Variants in PFKL observed in about 807,000 individuals in gnomAD.
PFKL encodes ATP-dependent 6-phosphofructokinase, liver type.
In PFKL, 74 loss-of-function variants were observed where a neutral mutation model predicts 92.1. The observed-to-expected ratio is 0.80, with a 90% CI of 0.67 to 0.97. The LOEUF is 0.97. Ranked by LOEUF, PFKL falls within the 50% of genes least tolerant of loss-of-function variation. The pLI, the probability that PFKL is intolerant of heterozygous loss-of-function variation, is 0.00. For missense variants in PFKL, 1,028 were observed against 1,116.6 expected (o/e 0.92, Z 1.13); for synonymous variants, 494 against 456.4 (o/e 1.08, Z -1.05).
At chr21:44,325,405 A>T (rs868666575) in intron 19 of PFKL, 141 bp downstream of exon 19, 7 of 637,608 alleles carry the variant, frequency 1.1e-5, no homozygotes, top group Middle Eastern at 4.1e-4. Context: ...TTCCCCAGTG[A>T]GGGGACCGAG....
Position 44,318,549 on chromosome 21 carries a change from C to G in PFKL, c.1016C>G (p.Ser339Trp), listed in dbSNP as rs1419851208. The G allele has an allele frequency of 6.3e-7, 1 of 1,576,006 alleles. No individual in the cohort carries two copies. Among genetic ancestry groups the G allele is most frequent in the African/African-American group, 1.4e-5 (1 of 73,582 alleles). The change falls in exon 10 of 22, where the codon TCG becomes TGG. Residue 339 changes from serine to tryptophan, a missense_variant. Physicochemically the swap from Ser to Trp is radical, Grantham distance 177. Coordinates refer to ENST00000349048, the MANE Select transcript of PFKL (RefSeq NM_002626.6). ...PDTPACVVTLSGNQSVRLPLM... is the reference protein window; with the variant it reads ...PDTPACVVTLWGNQSVRLPLM... ...ACGCCGGCCTGCGTGGTCACCCTCTCGGGGAACCAGTCAGTGCGGCTGCCC... is the reference window on the plus strand; with the variant it reads ...ACGCCGGCCTGCGTGGTCACCCTCTGGGGGAACCAGTCAGTGCGGCTGCCC...
chr21:44,326,580 A>C lies in PFKL; in HGVS notation c.2196-135A>C, dbSNP rs369453442. The C allele has an allele frequency of 6.0e-6, 7 of 1,165,496 alleles. No individual in the cohort carries two copies. The African/African-American group carries it at 1.2e-4, about 19-fold the overall frequency. 72.2% of individuals were successfully genotyped at this position (1,165,496 alleles called of 1,614,324 possible). Reference sequence around the variant, plus strand: ...GGGACCCCAGACCTGTCCCAGCTCCACGGATACCGAGATGTTCAGACAGAG... The same window carrying C: ...GGGACCCCAGACCTGTCCCAGCTCCCCGGATACCGAGATGTTCAGACAGAG... On this transcript the variant is annotated intron_variant, in intron 21 of 21. Coordinates refer to ENST00000349048, the MANE Select transcript of PFKL (RefSeq NM_002626.6).
chr21:44,307,321 C>T (rs556074959), intron 2 of PFKL: 41 of 985,132 alleles, frequency 4.2e-5, no homozygotes, highest in African/African-American at 2.3e-4. Context: ...GCTCGCCCTC[C>T]GTCCTGGGTA....
At chr21:44,304,596 C>G (rs998302258) in intron 1 of PFKL, 3 of 993,820 alleles carry the variant, frequency 3.0e-6, no homozygotes, top group African/African-American at 3.8e-5. Context: ...GCGCTGCACT[C>G]ACAGCACCAC....
rs746872053 is a variant in PFKL, at chr21:44,322,139, G to T, written c.1345G>T (p.Glu449Ter). ...CTGCATCTCCTCCTGGCAGGTGCAA[G>T]AAGTAGGCTGGCACGACGTGGCCGG... is the stretch of plus-strand genomic sequence containing the variant. ...FEGLAKGQVQEVGWHDVAGWL... is the reference protein window; with the variant it reads ...FEGLAKGQVQ The change falls in exon 14 of 22, where the codon GAA becomes TAA. Residue 449 changes from glutamate (E) to a stop codon, truncating the protein, a stop_gained. Coordinates refer to ENST00000349048, the MANE Select transcript of PFKL (RefSeq NM_002626.6). LOFTEE classifies it high-confidence loss of function. 4 of 1,606,090 alleles carry T rather than the reference G, an allele frequency of 2.5e-6. No homozygotes were observed. Among genetic ancestry groups the T allele is most frequent in the Non-Finnish European group, 8.5e-7 (1 of 1,177,944 alleles).
rs111384953 is a variant in PFKL at position 44,312,425 on chromosome 21, G to A, written c.427+131G>A. 2.5e-3 allele frequency: 2,024 copies of A among 823,578 alleles called. 25 individuals are homozygous for A. The African/African-American group carries it at 0.031, about 13-fold the overall frequency. The allele number at this position is 823,578 out of a possible 1,614,324, so 51.0% of individuals were successfully genotyped here. On this transcript the variant is annotated intron_variant, in intron 4 of 21. Transcript: ENST00000349048. The stretch of plus-strand genomic sequence containing the variant: ...GAGGCAGAGGAGGGGCTGTCTGGCC[G>A]TTGGCCGGGGAGGAGTAGTGTCTGC...
At chr21:44,326,312 C>CACA in intron 21 of PFKL, 48 bp downstream of exon 21, 4 of 1,379,004 alleles carry the variant, frequency 2.9e-6, no homozygotes, top group Non-Finnish European at 4.1e-6. Context: ...TGAGGGGTGG[C>CACA]CCAGACCTTC....
chr21:44,306,601 C>A, intron 1 of PFKL, 80 bp from the exon 2 acceptor site: 1 of 1,294,914 alleles, frequency 7.7e-7, no homozygotes, highest in Non-Finnish European at 1.1e-6. Context: ...CTCCCCTACC[C>A]CCTGTCCTCT....
intron 12 of PFKL, 102 bp downstream of exon 12, chr21:44,320,249 C>T: frequency 1.0e-6 from 1 of 998,176 alleles, no homozygotes; most frequent in Non-Finnish European, 1.5e-6. Context: ...CCCACCTTCC[C>T]TCCTGCTGGG....
chr21:44,326,578 C>T, intron 21 of PFKL, 137 bp from the exon 22 acceptor site: 1 of 1,188,468 alleles, frequency 8.4e-7, no homozygotes, highest in Non-Finnish European at 1.2e-6. Flanking sequence ...TGTCCCAGCT[C>T]CACGGATACC....
Position 44,319,350 on chromosome 21 carries a change from G to T in PFKL, c.1063-1G>T, listed in dbSNP as rs776801782. On this transcript the variant is annotated splice_acceptor_variant, in intron 10 of 21. Transcript: ENST00000349048. LOFTEE classifies it high-confidence loss of function. ...TCTGTGTTCTGTTTCTCTTCCTTAAGACCAAGGAAGTGCAGAAAGCCATGG... is the reference window on the plus strand; with the variant it reads ...TCTGTGTTCTGTTTCTCTTCCTTAATACCAAGGAAGTGCAGAAAGCCATGG... 4 of 1,612,670 alleles carry T rather than the reference G, an allele frequency of 2.5e-6. No homozygotes were observed. The highest frequency in any genetic ancestry group is 3.4e-6 in the Non-Finnish European group (4 of 1,179,010).
chr21:44,300,285 T>A lies in PFKL; in HGVS notation c.85+95T>A, dbSNP rs555142344. ...CGCCCGCCGAGCCCCGGGACCCGGG[T>A]CTCGGGCCGGCCCGGCCTCCCGCCC... is the stretch of plus-strand genomic sequence containing the variant. On this transcript the variant is annotated intron_variant, in intron 1 of 21. Coordinates refer to ENST00000349048, the MANE Select transcript of PFKL (RefSeq NM_002626.6). The A allele has an allele frequency of 3.0e-3, 1,555 of 511,752 alleles. 31 individuals are homozygous for A. Among genetic ancestry groups the A allele is most frequent in the African/African-American group, 0.03 (1,429 of 48,182 alleles). 31.7% of individuals were successfully genotyped at this position (511,752 alleles called of 1,614,324 possible).
chr21:44,322,655 G>A (rs1478481747), intron 14 of PFKL, among the ~76,000 whole-genome samples: 2 of 152,222 alleles, frequency 1.3e-5, no homozygotes, highest in Non-Finnish European at 2.9e-5. Context: ...GGAAGCATCC[G>A]CTCCTGCCGC....
intron 1 of PFKL, chr21:44,304,574 G>A: frequency 1.8e-6 from 2 of 1,100,904 alleles, no homozygotes; most frequent in Non-Finnish European, 2.3e-6. Context: ...TCCAGTGAGG[G>A]TGGGGGACAG....
At chr21:44,305,962 G>A in intron 1 of PFKL, 1 of 1,312,316 alleles carries the variant, frequency 7.6e-7, no homozygotes, top group Non-Finnish European at 1.0e-6. Flanking sequence ...CCCTGGGGCA[G>A]GGCAGTGCTG....
chr21:44,305,867 G>A, intron 1 of PFKL: 1 of 1,366,294 alleles, frequency 7.3e-7, no homozygotes, highest in South Asian at 1.1e-5. Flanking sequence ...GGGAGCCGAG[G>A]GCAAGGGGAC....
intron 11 of PFKL, chr21:44,319,669 C>T: frequency 1.7e-6 from 1 of 571,934 alleles, no homozygotes; most frequent in Admixed American, 3.1e-5. Flanking sequence ...GGATGAGAAG[C>T]TGTGGATACA....
chr21:44,325,833 G>T, intron 19 of PFKL, 128 bp from the exon 20 acceptor site: 1 of 650,766 alleles, frequency 1.5e-6, no homozygotes. Context: ...AACGGTGCAC[G>T]GGTTGGAAGG....
chr21:44,320,138 C>A lies in PFKL; in HGVS notation c.1182C>A (p.Pro394=). Residue 394 remains proline (P), a synonymous_variant, in exon 12 of 22, where the codon CCC becomes CCA. Coordinates refer to ENST00000349048, the MANE Select transcript of PFKL (RefSeq NM_002626.6). The part of the protein sequence containing the change: ...IYKLLAHQKP[P]KEKSNFSLAI... ...AGCTCCTCGCCCACCAGAAGCCCCC[C>A]AAGGAGAAGGTGAGGCAGGGAGCGG... 6.2e-7 allele frequency: 1 copy of A among 1,613,388 alleles called. No individual in the cohort carries two copies. The highest frequency in any genetic ancestry group is 8.5e-7 in the Non-Finnish European group (1 of 1,179,744).
Sources: gnomAD v4.1 joint callset for allele counts (sites outside exome capture counted in the v4.1 genomes callset) on GRCh38, gnomAD v4.1.1 for gene constraint, MANE v1.5 for transcripts, NCBI Gene and HGNC (gene_info 2026-07-23, HGNC 2026-07-21) for gene names.